CDH4: variants seen among roughly 807,000 people sequenced by gnomAD.
The protein encoded by CDH4 is cadherin-4.
A neutral mutation model predicts 86.0 loss-of-function variants in CDH4; 33 were observed. The ratio of observed to expected loss-of-function variants is 0.38; its 90% CI spans 0.29 to 0.51. CDH4 has a LOEUF of 0.51. Among genes scored for constraint, CDH4 ranks in the 20% least tolerant of loss-of-function variants. The probability of loss-of-function intolerance (pLI) is 0.86; values close to 1 mark genes in which losing one functional copy is unlikely to be tolerated. For missense variants in CDH4, 1,114 were observed against 1,307.4 expected (o/e 0.85, Z 2.28); for synonymous variants, 555 against 549.4 (o/e 1.01, Z -0.14).
intron 2 of CDH4, among the ~76,000 whole-genome samples, chr20:61,399,277 C>T (rs1396638337): frequency 9.3e-6 from 1 of 107,918 alleles, no homozygotes; most frequent in Non-Finnish European, 1.9e-5. Context: ...GGACTACAGG[C>T]GCCCGCCACC....
intron 2 of CDH4, among the ~76,000 whole-genome samples, chr20:61,561,815 G>GA (rs1285864797): frequency 6.6e-6 from 1 of 152,236 alleles, no homozygotes; most frequent in African/African-American, 2.4e-5. Context: ...GACAAGAAGA[G>GA]AAAAACAACC....
intron 2 of CDH4, among the ~76,000 whole-genome samples, chr20:61,700,746 T>C (rs1449736391): frequency 6.6e-6 from 1 of 152,088 alleles, no homozygotes; most frequent in Non-Finnish European, 1.5e-5. Context: ...TCTTCATGGG[T>C]GTCTTCTTCA....
At chr20:61,690,334 G>A (rs922079964) in intron 2 of CDH4, among the ~76,000 whole-genome samples, 4 of 152,166 alleles carry the variant, frequency 2.6e-5, no homozygotes, top group East Asian at 1.9e-4. Flanking sequence ...GAGGCTTCCC[G>A]GAGGTGGTGA....
At chr20:61,836,397 A>G (rs1044192280) in intron 4 of CDH4, among the ~76,000 whole-genome samples, 2 of 152,194 alleles carry the variant, frequency 1.3e-5, no homozygotes, top group African/African-American at 4.8e-5. Flanking sequence ...GAACATATTC[A>G]TGCCTTTTAT....
At chr20:61,298,113 C>T (rs922023994) in intron 2 of CDH4, among the ~76,000 whole-genome samples, 4 of 152,112 alleles carry the variant, frequency 2.6e-5, no homozygotes, top group South Asian at 2.1e-4. Flanking sequence ...CAGCCTGTTA[C>T]TGGTGCTTGG....
intron 2 of CDH4, among the ~76,000 whole-genome samples, chr20:61,363,646 CG>C (rs2084796326): frequency 6.6e-6 from 1 of 152,094 alleles, no homozygotes; most frequent in South Asian, 2.1e-4. Flanking sequence ...GTGTTCCTGA[CG>C]GGGGCCACAG....
chr20:61,391,516 C>T (rs1167622562), intron 2 of CDH4, among the ~76,000 whole-genome samples: 1 of 149,984 alleles, frequency 6.7e-6, no homozygotes, highest in African/African-American at 2.5e-5. Flanking sequence ...GCACGTGTGG[C>T]GTAAGGGGCT....
intron 3 of CDH4, among the ~76,000 whole-genome samples, chr20:61,766,352 G>C (rs527897242): frequency 6.6e-6 from 1 of 151,852 alleles, no homozygotes; most frequent in Non-Finnish European, 1.5e-5. Flanking sequence ...TGAACACTCA[G>C]AGCTCATCCT....
chr20:61,782,490 A>G (rs188382169), intron 4 of CDH4, among the ~76,000 whole-genome samples: 75 of 152,360 alleles, frequency 4.9e-4, no homozygotes, highest in African/African-American at 1.6e-3. Context: ...AGATACATTT[A>G]TGGGCTAATA....
At chr20:61,867,906 G>A (rs886943725) in intron 6 of CDH4, among the ~76,000 whole-genome samples, 1 of 152,168 alleles carries the variant, frequency 6.6e-6, no homozygotes, top group Non-Finnish European at 1.5e-5. Context: ...CGATGACTCC[G>A]GCCATCTCAG....
At chr20:61,850,797 C>A (rs1982683854) in intron 5 of CDH4, among the ~76,000 whole-genome samples, 1 of 152,154 alleles carries the variant, frequency 6.6e-6, no homozygotes, top group South Asian at 2.1e-4. Flanking sequence ...TGTGCCCAGC[C>A]TGAGAGATGG....
intron 2 of CDH4, among the ~76,000 whole-genome samples, chr20:61,279,834 C>A (rs992704964): frequency 1.3e-5 from 2 of 152,200 alleles, no homozygotes; most frequent in African/African-American, 4.8e-5. Context: ...CCGGCTGGGG[C>A]TGTTGTGAGT....
intron 2 of CDH4, among the ~76,000 whole-genome samples, chr20:61,573,186 C>T (rs139570466): frequency 6.6e-5 from 10 of 152,202 alleles, no homozygotes; most frequent in Admixed American, 2.0e-4. Context: ...GGGGTGGGAG[C>T]GTCCTATTTC....
rs1250457168 is a variant in CDH4 at position 61,684,367 on chromosome 20, T to C, written c.170-59196T>C. Among the ~76,000 whole-genome samples, 1 of 152,214 alleles carries C rather than the reference T, an allele frequency of 6.6e-6. No homozygotes were observed. The highest frequency in any genetic ancestry group is 1.5e-5 in the Non-Finnish European group (1 of 68,030). On this transcript the variant is annotated intron_variant, in intron 2 of 15. Coordinates refer to ENST00000614565, the MANE Select transcript of CDH4 (RefSeq NM_001794.5). This position sits in a 1 kb window ranked among gnomAD's most constrained non-coding sequence, Gnocchi z 4.5. The stretch of plus-strand genomic sequence containing the variant: ...AAGGAAGCAGCAAGCGCGGAGCACG[T>C]GGCCTCAACCTCCGTCTTGCTTATG...
rs149822637 is a variant in CDH4 at position 61,936,134 on chromosome 20, A to ACTT, written c.2545-600_2545-598dup. The stretch of plus-strand genomic sequence containing the variant: ...CCACACTCATAACTGCCAGGTTCTG[A>ACTT]CTTCTGTCCACCCTAGGTCCACTTT... On this transcript the variant is annotated intron_variant, in intron 15 of 15. Coordinates refer to ENST00000614565, the MANE Select transcript of CDH4 (RefSeq NM_001794.5). Among the ~76,000 whole-genome samples, 472 of 151,806 alleles carry ACTT rather than the reference A, an allele frequency of 3.1e-3. 4 individuals are homozygous for ACTT. The highest frequency in any genetic ancestry group is 0.011 in the African/African-American group (458 of 41,364).
chr20:61,417,911 A>T lies in CDH4; in HGVS notation c.169+162974A>T, dbSNP rs1481354192. ...ATGCTCAGAGGCCCACTTGGAAGAGATGGAGCCTCCCATCCCTTGAGTTTT... is the reference window on the plus strand; with the variant it reads ...ATGCTCAGAGGCCCACTTGGAAGAGTTGGAGCCTCCCATCCCTTGAGTTTT... On this transcript the variant is annotated intron_variant, in intron 2 of 15. Transcript: ENST00000614565. The surrounding 1 kb of genome is among the most constrained non-coding windows in gnomAD (Gnocchi z 4.0). Among the ~76,000 whole-genome samples, 1 of 152,010 alleles carries T rather than the reference A, an allele frequency of 6.6e-6. No homozygotes were observed.
intron 2 of CDH4, among the ~76,000 whole-genome samples, chr20:61,588,097 G>A (rs190977799): frequency 1.4e-3 from 208 of 152,292 alleles, no homozygotes; most frequent in African/African-American, 4.4e-3. Context: ...AGGGCCTTCC[G>A]AGAAGCCAGC....
chr20:61,377,244 T>C lies in CDH4; in HGVS notation c.169+122307T>C, dbSNP rs2084877337. Among the ~76,000 whole-genome samples, 1 of 152,100 alleles carries C rather than the reference T, an allele frequency of 6.6e-6. No homozygotes were observed. Among genetic ancestry groups the C allele is most frequent in the Non-Finnish European group, 1.5e-5 (1 of 68,008 alleles). On this transcript the variant is annotated intron_variant, in intron 2 of 15. Coordinates refer to ENST00000614565, the MANE Select transcript of CDH4 (RefSeq NM_001794.5). This position sits in a 1 kb window ranked among gnomAD's most constrained non-coding sequence, Gnocchi z 4.0. ...GAAGTGGAATAGAGGCATGGGGGGC[T>C]CTGGTGAGGGGCAGTGGCCGTGTTG...
At chr20:61,859,379 A>C (rs190364046) in intron 6 of CDH4, among the ~76,000 whole-genome samples, 1 of 152,228 alleles carries the variant, frequency 6.6e-6, no homozygotes, top group African/African-American at 2.4e-5. Context: ...GGTCTTTGCG[A>C]GCGAAAGTGT....
Sources: gnomAD v4.1 joint callset for allele counts (sites outside exome capture counted in the v4.1 genomes callset) on GRCh38, gnomAD v4.1.1 for gene constraint, Gnocchi (gnomAD v3.1) non-coding constraint, MANE v1.5 for transcripts, NCBI Gene and HGNC (gene_info 2026-07-23, HGNC 2026-07-21) for gene names.